ADARB1: variants seen among roughly 807,000 people sequenced by gnomAD.
ADARB1 encodes the protein adenosine deaminase RNA specific B1.
In ADARB1, 10 loss-of-function variants were observed where a neutral mutation model predicts 52.4. The observed-to-expected ratio is 0.19, with a 90% CI of 0.12 to 0.32. The LOEUF is 0.32. Ranked by LOEUF, ADARB1 falls within the 10% of genes least tolerant of loss-of-function variation. The probability of loss-of-function intolerance (pLI) is 1.00; values close to 1 mark genes in which losing one functional copy is unlikely to be tolerated. For missense variants in ADARB1, 643 were observed against 922.3 expected, an observed-to-expected ratio of 0.70 and a Z score of 3.92; for synonymous variants, 349 against 371.1, an observed-to-expected ratio of 0.94 and a Z score of 0.68.
intron 2 of ADARB1, among the ~76,000 whole-genome samples, chr21:45,129,070 A>G (rs1166849088): frequency 6.6e-6 from 1 of 152,068 alleles, no homozygotes; most frequent in African/African-American, 2.4e-5. Context: ...ATCTCTACCA[A>G]AAATACAAAA....
chr21:45,107,779 A>G (rs1003706464), intron 1 of ADARB1, among the ~76,000 whole-genome samples: 1 of 152,230 alleles, frequency 6.6e-6, no homozygotes, highest in African/African-American at 2.4e-5. Flanking sequence ...ATGTGTTGGG[A>G]AAGGCTTTTT....
At chr21:45,118,638 C>A (rs906100383) in intron 1 of ADARB1, 1 of 152,212 alleles carries the variant, frequency 6.6e-6, no homozygotes, top group Non-Finnish European at 1.5e-5. Context: ...CTTCTACTCT[C>A]TCCTTCTCTC....
chr21:45,198,190 G>A (rs573181534), intron 8 of ADARB1, among the ~76,000 whole-genome samples: 1 of 152,302 alleles, frequency 6.6e-6, no homozygotes, highest in South Asian at 2.1e-4. Flanking sequence ...CAACAAAGAT[G>A]TAGCAGTGAG....
intron 1 of ADARB1, among the ~76,000 whole-genome samples, chr21:45,112,343 C>T (rs1330598357): frequency 1.3e-5 from 2 of 152,202 alleles, no homozygotes; most frequent in African/African-American, 4.8e-5. Context: ...TAAAGAGGCA[C>T]AGGGACTTCA....
intron 3 of ADARB1, among the ~76,000 whole-genome samples, chr21:45,174,700 TACA>T (rs2091621911): frequency 6.6e-6 from 1 of 151,862 alleles, no homozygotes; most frequent in Non-Finnish European, 1.5e-5. Context: ...CATACATACA[TACA>T]TACATACATA....
At chr21:45,077,139 CTAAT>C (rs151279094) in intron 1 of ADARB1, among the ~76,000 whole-genome samples, 77 of 152,314 alleles carry the variant, frequency 5.1e-4, no homozygotes, top group Non-Finnish European at 8.7e-4. Context: ...GCAAAGCCTA[CTAAT>C]TAGTTATTAT....
chr21:45,096,395 C>T (rs1197533106), intron 1 of ADARB1, among the ~76,000 whole-genome samples: 1 of 152,246 alleles, frequency 6.6e-6, no homozygotes. Flanking sequence ...GTCTCGCTCC[C>T]TGCACCAGCT....
chr21:45,191,088 G>C (rs921642453), intron 8 of ADARB1, among the ~76,000 whole-genome samples: 2 of 152,142 alleles, frequency 1.3e-5, no homozygotes, highest in African/African-American at 4.8e-5. Flanking sequence ...GGTCTCTATG[G>C]GGGAAAGAGG....
intron 1 of ADARB1, among the ~76,000 whole-genome samples, chr21:45,123,802 T>C (rs897923739): frequency 2.0e-5 from 3 of 152,184 alleles, no homozygotes; most frequent in African/African-American, 7.2e-5. Context: ...GGTTTCCATG[T>C]GTTGCCTAGG....
chr21:45,109,573 C>G (rs1377109543), intron 1 of ADARB1, among the ~76,000 whole-genome samples: 1 of 152,212 alleles, frequency 6.6e-6, no homozygotes, highest in African/African-American at 2.4e-5. Context: ...GGCTCTGCGC[C>G]CCCCCAGGAC....
In ADARB1 at chr21:45,185,089, A is replaced by G. The variant is rs767569099; in HGVS notation, c.1563A>G (p.Ala521=). ...CCATGTCCTGCAGTGACAAGATTGC[A>G]CGGTAAGGGGCGGGGGCTCCCTGTG... is the stretch of plus-strand genomic sequence containing the variant. ...LLTMSCSDKI[A]RWNVVGIQGS... is the part of the protein sequence containing the mutation. Residue 521 remains alanine, a splice_region_variant and synonymous_variant, in exon 8 of 11, where the codon GCA becomes GCG. Transcript: ENST00000348831. 24 of 1,613,776 alleles carry G rather than the reference A, an allele frequency of 1.5e-5. No individual in the cohort carries two copies. The highest frequency in any genetic ancestry group is 6.7e-5 in the Admixed American group (4 of 60,000).
In ADARB1 at chr21:45,079,329, T is replaced by C. The variant is rs551451379; in HGVS notation, c.-220+4536T>C. On this transcript the variant is annotated intron_variant, in intron 1 of 10. Coordinates refer to ENST00000348831, the MANE Select transcript of ADARB1 (RefSeq NM_001112.4). ...CTAAGCATTGACTTTTAAAATCATA[T>C]AATTCATGCACTTTCATAAAAAAGG... 8.8e-4 allele frequency among the ~76,000 whole-genome samples: 134 copies of C among 152,360 alleles called. 1 individual carries two copies. The highest frequency in any genetic ancestry group is 1.7e-3 in the South Asian group (8 of 4,830).
intron 1 of ADARB1, among the ~76,000 whole-genome samples, chr21:45,098,675 T>C (rs1355718300): frequency 6.6e-6 from 1 of 152,202 alleles, no homozygotes; most frequent in Admixed American, 6.5e-5. Context: ...GAGGATTACA[T>C]GATTAGGTAA....
Position 45,209,237 on chromosome 21 carries a change from CT to C in ADARB1, c.1747+4510del, listed in dbSNP as rs34361145. The stretch of plus-strand genomic sequence containing the variant: ...AGTTTTAGAAACTCATTTTATCGTG[CT>C]TTTTTTTTAAAAGCCTTTCGTAATG... On this transcript the variant is annotated intron_variant, in intron 9 of 10. Coordinates refer to ENST00000348831, the MANE Select transcript of ADARB1 (RefSeq NM_001112.4). Among the ~76,000 whole-genome samples, 6 of 151,270 alleles carry C rather than the reference CT, an allele frequency of 4.0e-5. No homozygotes were observed. In the South Asian group the frequency reaches 6.3e-4, roughly 16 times the overall value.
At chr21:45,108,085 AAAAC>A (rs1159788795) in intron 1 of ADARB1, among the ~76,000 whole-genome samples, 1 of 152,232 alleles carries the variant, frequency 6.6e-6, no homozygotes, top group Non-Finnish European at 1.5e-5. Flanking sequence ...TGCCTGACCA[AAAAC>A]AAAACAGAAA....
intron 2 of ADARB1, among the ~76,000 whole-genome samples, chr21:45,158,803 G>A (rs1338637367): frequency 6.6e-6 from 1 of 152,142 alleles, no homozygotes; most frequent in Non-Finnish European, 1.5e-5. Context: ...ACAATATTTT[G>A]TGTAATATCA....
intron 5 of ADARB1, among the ~76,000 whole-genome samples, chr21:45,181,936 A>G (rs983749): frequency 0.7 from 106,689 of 152,238 alleles, 38,177 homozygotes; most frequent in African/African-American, 0.86. Context: ...TGTGCACACC[A>G]TTGGTTCAGC....
At chr21:45,180,178 C>T in intron 4 of ADARB1, 152 bp from the exon 5 acceptor site, 1 of 649,762 alleles carries the variant, frequency 1.5e-6, no homozygotes, top group Non-Finnish European at 2.8e-6. Flanking sequence ...GAAACATACA[C>T]ACATACTTGT....
In ADARB1 at chr21:45,220,192, A is replaced by G. The variant is rs927148987; in HGVS notation, c.1748-644A>G. On this transcript the variant is annotated intron_variant, in intron 9 of 10. Transcript: ENST00000348831. This position sits in a 1 kb window ranked among gnomAD's most constrained non-coding sequence, Gnocchi z 6.3. ...TTCAGACATGTTTCAGCAAGTTAGT[A>G]CAAGTTTATTTTGGTGCCAAAAAAT... Among the ~76,000 whole-genome samples, 3 of 152,172 alleles carry G rather than the reference A, an allele frequency of 2.0e-5. No homozygotes were observed. The highest frequency in any genetic ancestry group is 7.2e-5 in the African/African-American group (3 of 41,440).
Sources: allele counts gnomAD v4.1 joint callset (sites outside exome capture counted in the v4.1 genomes callset), GRCh38; gene constraint gnomAD v4.1.1; non-coding constraint Gnocchi (gnomAD v3.1); transcripts MANE v1.5; gene names NCBI Gene and HGNC (gene_info 2026-07-23, HGNC 2026-07-21).